Variants in SPRED1 observed in about 807,000 individuals in gnomAD.
The protein encoded by SPRED1 is sprouty related EVH1 domain containing 1, also known as sprouty-related, EVH1 domain-containing protein 1.
A neutral mutation model predicts 52.3 loss-of-function variants in SPRED1; 18 were observed. The ratio of observed to expected loss-of-function variants is 0.34; its 90% CI spans 0.24 to 0.51. The LOEUF is 0.51. Ranked by LOEUF, SPRED1 falls within the 20% of genes least tolerant of loss-of-function variation. The pLI, the probability that SPRED1 is intolerant of heterozygous loss-of-function variation, is 0.97. For synonymous variants in SPRED1, 155 were observed against 179.7 expected, an observed-to-expected ratio of 0.86 and a Z score of 1.10; for missense variants, 485 against 551.0, an observed-to-expected ratio of 0.88 and a Z score of 1.20.
chr15:38,308,540 A>G (rs1028373464), intron 2 of SPRED1, among the ~76,000 whole-genome samples: 3 of 152,188 alleles, frequency 2.0e-5, no homozygotes, highest in Non-Finnish European at 4.4e-5. Flanking sequence ...TGTTCTCTCA[A>G]TTATTTCCGT....
At chr15:38,272,460 G>A (rs1361502761) in intron 1 of SPRED1, among the ~76,000 whole-genome samples, 2 of 151,510 alleles carry the variant, frequency 1.3e-5, no homozygotes, top group Non-Finnish European at 3.0e-5. Context: ...CTAGAGACAG[G>A]GGTTTCACCA....
intron 1 of SPRED1, among the ~76,000 whole-genome samples, chr15:38,280,782 A>G (rs1367372196): frequency 1.3e-5 from 2 of 152,230 alleles, no homozygotes; most frequent in Admixed American, 6.5e-5. Context: ...AAAAATAACT[A>G]CTTGTGAACT....
At chr15:38,274,963 G>A (rs537588181) in intron 1 of SPRED1, among the ~76,000 whole-genome samples, 13 of 152,158 alleles carry the variant, frequency 8.5e-5, no homozygotes, top group Non-Finnish European at 1.6e-4. Context: ...GTTTTGCCAG[G>A]TTTTGTAACT....
At chr15:38,329,007 C>T (rs1389991569) in intron 4 of SPRED1, among the ~76,000 whole-genome samples, 1 of 152,134 alleles carries the variant, frequency 6.6e-6, no homozygotes, top group Non-Finnish European at 1.5e-5. Context: ...GCATGAGTCA[C>T]TGTGCCTGGT....
chr15:38,290,216 C>T (rs535749143), intron 1 of SPRED1, among the ~76,000 whole-genome samples: 43 of 152,202 alleles, frequency 2.8e-4, no homozygotes, highest in African/African-American at 9.4e-4. Flanking sequence ...TAGTTCTCTT[C>T]TTCTGACGTA....
Position 38,351,088 on chromosome 15 carries a change from C to T in SPRED1, c.759C>T (p.Ile253=). 3.1e-6 allele frequency: 5 copies of T among 1,613,958 alleles called. No individual in the cohort carries two copies. Among genetic ancestry groups the T allele is most frequent in the Non-Finnish European group, 4.2e-6 (5 of 1,179,968 alleles). Reference sequence around the variant, plus strand: ...TTGTCAGAATAAACCCTCGAGATATCTTAATACGTCGCTATGCAGACTACA... The same window carrying T: ...TTGTCAGAATAAACCCTCGAGATATTTTAATACGTCGCTATGCAGACTACA... ...DEIVRINPRD[I]LIRRYADYRH... Residue 253 remains isoleucine, a synonymous_variant, in exon 7 of 7, where the codon ATC becomes ATT. Transcript: ENST00000299084.
chr15:38,346,382 A>G lies in SPRED1; in HGVS notation c.583-3040A>G, dbSNP rs957987868. Among the ~76,000 whole-genome samples the G allele has an allele frequency of 2.6e-5, 4 of 152,132 alleles. No individual in the cohort carries two copies. In the East Asian group the frequency reaches 7.7e-4, roughly 29 times the overall value. On this transcript the variant is annotated intron_variant, in intron 5 of 6. Coordinates refer to ENST00000299084, the MANE Select transcript of SPRED1 (RefSeq NM_152594.3). Reference sequence around the variant, plus strand: ...AAGTCTTATAGGCCTGGAAGCCATTATAGTTCTTTAACTCAGTTTCTCTTA... The same window carrying G: ...AAGTCTTATAGGCCTGGAAGCCATTGTAGTTCTTTAACTCAGTTTCTCTTA...
At chr15:38,295,563 C>T (rs571824275) in intron 1 of SPRED1, among the ~76,000 whole-genome samples, 57 of 152,108 alleles carry the variant, frequency 3.7e-4, no homozygotes, top group African/African-American at 1.3e-3. Flanking sequence ...AAAATGAAAC[C>T]GATGTAAAAT....
chr15:38,324,177 A>G (rs1236758083), intron 3 of SPRED1, among the ~76,000 whole-genome samples: 2 of 152,128 alleles, frequency 1.3e-5, no homozygotes, highest in Admixed American at 1.3e-4. Context: ...AGCATGAACT[A>G]AGAGTACTTT....
rs570062136 is a variant in SPRED1, at chr15:38,307,859, G to T, written c.207+8312G>T. On this transcript the variant is annotated intron_variant, in intron 2 of 6. Coordinates refer to ENST00000299084, the MANE Select transcript of SPRED1 (RefSeq NM_152594.3). ...ACAGTTTATGTTTTTTCGCATGTAGGTACATTTACTTAAGTTTTTTCTTAG... is the reference window on the plus strand; with the variant it reads ...ACAGTTTATGTTTTTTCGCATGTAGTTACATTTACTTAAGTTTTTTCTTAG... Among the ~76,000 whole-genome samples, 6 of 152,180 alleles carry T rather than the reference G, an allele frequency of 3.9e-5. No individual in the cohort carries two copies. The South Asian group carries it at 1.2e-3, about 32-fold the overall frequency.
At chr15:38,271,033 A>C (rs1894422900) in intron 1 of SPRED1, among the ~76,000 whole-genome samples, 1 of 152,112 alleles carries the variant, frequency 6.6e-6, no homozygotes, top group African/African-American at 2.4e-5. Context: ...TGGGTTTTTA[A>C]AGATAAATAT....
intron 1 of SPRED1, among the ~76,000 whole-genome samples, chr15:38,279,907 G>A (rs1358992924): frequency 6.6e-6 from 1 of 152,158 alleles, no homozygotes; most frequent in African/African-American, 2.4e-5. Context: ...TTTGGATTAG[G>A]AGAGGGCTTT....
intron 1 of SPRED1, among the ~76,000 whole-genome samples, chr15:38,277,432 G>A (rs1326894781): frequency 6.6e-6 from 1 of 152,122 alleles, no homozygotes; most frequent in Non-Finnish European, 1.5e-5. Context: ...CATCCATGTT[G>A]CTGCAGAGGA....
intron 1 of SPRED1, among the ~76,000 whole-genome samples, chr15:38,258,902 T>C (rs1409308396): frequency 6.6e-6 from 1 of 152,206 alleles, no homozygotes; most frequent in Non-Finnish European, 1.5e-5. Context: ...GATGGATTTC[T>C]TTTGTAGCTA....
intron 2 of SPRED1, 60 bp downstream of exon 2, chr15:38,299,607 T>C (rs1257432076): frequency 4.6e-6 from 7 of 1,516,116 alleles, no homozygotes; most frequent in Non-Finnish European, 4.5e-6. Flanking sequence ...TTTAAAGTTA[T>C]GATTAGTATA....
chr15:38,301,437 C>T (rs1263136265), intron 2 of SPRED1, among the ~76,000 whole-genome samples: 1 of 152,120 alleles, frequency 6.6e-6, no homozygotes, highest in East Asian at 1.9e-4. Context: ...TTTGAGGAAG[C>T]TTGTTACTTG....
rs558349538 is a variant in SPRED1 at position 38,337,595 on chromosome 15, A to G, written c.424-2142A>G. Among the ~76,000 whole-genome samples, 9 of 152,268 alleles carry G rather than the reference A, an allele frequency of 5.9e-5. No homozygotes were observed. The South Asian group carries it at 1.9e-3, about 31-fold the overall frequency. On this transcript the variant is annotated intron_variant, in intron 4 of 6. Transcript: ENST00000299084. Reference sequence around the variant, plus strand: ...TAATGAAGCAATAAACACTTGTGATATTTTCTTTAAAAAAGTATTATATTT... The same window carrying G: ...TAATGAAGCAATAAACACTTGTGATGTTTTCTTTAAAAAAGTATTATATTT...
At chr15:38,273,724 A>G (rs1222325927) in intron 1 of SPRED1, among the ~76,000 whole-genome samples, 1 of 152,116 alleles carries the variant, frequency 6.6e-6, no homozygotes, top group Non-Finnish European at 1.5e-5. Context: ...TGGGTCTGGC[A>G]TGAGATGTAT....
At chr15:38,334,681 G>A (rs2141003674) in intron 4 of SPRED1, among the ~76,000 whole-genome samples, 1 of 152,010 alleles carries the variant, frequency 6.6e-6, no homozygotes, top group Non-Finnish European at 1.5e-5. Context: ...TTTAATAGCT[G>A]CACAGAATTC....
Sources: allele counts gnomAD v4.1 joint callset (sites outside exome capture counted in the v4.1 genomes callset), GRCh38; gene constraint gnomAD v4.1.1; transcripts MANE v1.5; gene names NCBI Gene and HGNC (gene_info 2026-07-23, HGNC 2026-07-21).